The following RIMS2 variants were observed in gnomAD, a reference collection of about 807,000 sequenced individuals.
RIMS2 encodes regulating synaptic membrane exocytosis 2, also known as regulating synaptic membrane exocytosis protein 2.
In RIMS2, 59 loss-of-function variants were observed where a neutral mutation model predicts 174.4. The ratio of observed to expected loss-of-function variants is 0.34; its 90% CI spans 0.27 to 0.42. The LOEUF (loss-of-function observed/expected upper bound fraction) is 0.42. RIMS2 is among the 10% of genes least tolerant of loss of function. The pLI, the probability that RIMS2 is intolerant of heterozygous loss-of-function variation, is 1.00. For missense variants in RIMS2, 1,620 were observed against 1,666.3 expected (o/e 0.97, Z 0.48); for synonymous variants, 606 against 572.5 (o/e 1.06, Z -0.84).
At chr8:103,896,969 A>G (rs986508938) in intron 4 of RIMS2, among the ~76,000 whole-genome samples, 1 of 151,656 alleles carries the variant, frequency 6.6e-6, no homozygotes, top group Non-Finnish European at 1.5e-5. Flanking sequence ...AGAGGGGTCC[A>G]CAGAAGGGCA....
intron 1 of RIMS2, among the ~76,000 whole-genome samples, chr8:103,642,323 C>A (rs574563925): frequency 6.6e-6 from 1 of 152,162 alleles, no homozygotes; most frequent in Admixed American, 6.6e-5. Flanking sequence ...ATGATGTAAA[C>A]CTGGTAACAG....
At chr8:103,966,150 A>G (rs2091770396) in intron 15 of RIMS2, among the ~76,000 whole-genome samples, 2 of 152,152 alleles carry the variant, frequency 1.3e-5, no homozygotes, top group Admixed American at 1.3e-4. Flanking sequence ...TTATAAAATG[A>G]GTTAGAGAGT....
chr8:104,237,320 A>T (rs144124582), intron 19 of RIMS2, among the ~76,000 whole-genome samples: 1 of 152,198 alleles, frequency 6.6e-6, no homozygotes, highest in Admixed American at 6.5e-5. Context: ...ACAAACAACT[A>T]AAAATATTAA....
chr8:104,201,765 A>G (rs962661525), intron 19 of RIMS2, among the ~76,000 whole-genome samples: 24 of 152,182 alleles, frequency 1.6e-4, no homozygotes, highest in Admixed American at 1.5e-3. Context: ...TTATAATTCC[A>G]TTTTGTAGAG....
intron 17 of RIMS2, among the ~76,000 whole-genome samples, chr8:103,993,863 C>G (rs2094890066): frequency 6.6e-6 from 1 of 151,820 alleles, no homozygotes; most frequent in Non-Finnish European, 1.5e-5. Context: ...CCTATCTCCA[C>G]AAACACACAC....
chr8:103,551,303 G>C (rs1254270615), intron 1 of RIMS2, among the ~76,000 whole-genome samples: 8 of 152,024 alleles, frequency 5.3e-5, no homozygotes, highest in Non-Finnish European at 1.0e-4. Flanking sequence ...ACATACGAAT[G>C]TCAATAAACA....
chr8:103,778,871 T>C (rs1220749894), intron 3 of RIMS2, among the ~76,000 whole-genome samples: 1 of 152,154 alleles, frequency 6.6e-6, no homozygotes, highest in Non-Finnish European at 1.5e-5. Flanking sequence ...CCCCACCAAG[T>C]GTATGAGAGT....
intron 2 of RIMS2, among the ~76,000 whole-genome samples, chr8:103,709,501 C>A (rs758170125): frequency 1.3e-5 from 2 of 152,080 alleles, no homozygotes; most frequent in Non-Finnish European, 2.9e-5. Flanking sequence ...GATACTTTTA[C>A]ACATTCTTTG....
At chr8:103,994,587 A>G (rs1372555041) in intron 17 of RIMS2, among the ~76,000 whole-genome samples, 2 of 152,110 alleles carry the variant, frequency 1.3e-5, no homozygotes, top group Admixed American at 6.6e-5. Context: ...TTCAGTGGAG[A>G]AGTGTAATAT....
intron 1 of RIMS2, among the ~76,000 whole-genome samples, chr8:103,594,533 A>G (rs143624070): frequency 9.2e-5 from 14 of 151,810 alleles, no homozygotes; most frequent in African/African-American, 3.4e-4. Flanking sequence ...AGCTAACCCT[A>G]TATATTCCTC....
At chr8:103,784,928 A>G (rs1253134897) in intron 3 of RIMS2, among the ~76,000 whole-genome samples, 2 of 138,076 alleles carry the variant, frequency 1.4e-5, no homozygotes, top group African/African-American at 2.8e-5. Context: ...ATTTGTTTGT[A>G]TCCTCTTTTA....
At chr8:103,721,599 A>T (rs2097449475) in intron 2 of RIMS2, among the ~76,000 whole-genome samples, 1 of 152,202 alleles carries the variant, frequency 6.6e-6, no homozygotes. Context: ...ATTGCAGCAT[A>T]CCTAACTTCT....
At chr8:103,761,058 A>T (rs542063614) in intron 2 of RIMS2, among the ~76,000 whole-genome samples, 2 of 152,322 alleles carry the variant, frequency 1.3e-5, no homozygotes, top group East Asian at 3.9e-4. Context: ...TGGTGTGTTC[A>T]TACGTGCTAA....
intron 19 of RIMS2, among the ~76,000 whole-genome samples, chr8:104,057,457 T>C (rs1294416935): frequency 1.3e-5 from 2 of 152,148 alleles, no homozygotes; most frequent in African/African-American, 4.8e-5. Context: ...TTCACTGAAT[T>C]TAGAGATCAA....
chr8:103,573,599 G>C (rs117020834), intron 1 of RIMS2, among the ~76,000 whole-genome samples: 2 of 151,966 alleles, frequency 1.3e-5, no homozygotes, highest in East Asian at 1.9e-4. Flanking sequence ...GTACCATATC[G>C]TTTTGGTTAT....
At chr8:103,991,836 C>T (rs1201533298) in intron 17 of RIMS2, among the ~76,000 whole-genome samples, 1 of 152,120 alleles carries the variant, frequency 6.6e-6, no homozygotes, top group African/African-American at 2.4e-5. Context: ...AAATTAACCT[C>T]TTTGACACTT....
Position 103,975,211 on chromosome 8 carries a change from G to T in RIMS2, c.2771-139G>T. Reference sequence around the variant, plus strand: ...ATAAAATATTTTGTCTTAATATCATGGTTTATTCACTATACTTTATATTTA... The same window carrying T: ...ATAAAATATTTTGTCTTAATATCATTGTTTATTCACTATACTTTATATTTA... On this transcript the variant is annotated intron_variant, in intron 15 of 23. Transcript: ENST00000504942. 6.1e-6 allele frequency: 3 copies of T among 495,012 alleles called. No homozygotes were observed. The East Asian group carries it at 9.6e-5, about 16-fold the overall frequency. The allele number at this position is 495,012 out of a possible 1,614,324, so 30.7% of individuals were successfully genotyped here.
At chr8:103,544,755 A>G (rs1844191804) in intron 1 of RIMS2, among the ~76,000 whole-genome samples, 1 of 152,354 alleles carries the variant, frequency 6.6e-6, no homozygotes, top group African/African-American at 2.4e-5. Flanking sequence ...AAAGAAATAC[A>G]GGCATGGAGA....
At position 103,769,416 on chromosome 8, in the gene RIMS2, C is replaced by T. The variant is rs138572287; in HGVS notation, c.698+2879C>T. Among the ~76,000 whole-genome samples the T allele has an allele frequency of 1.5e-3, 228 of 152,214 alleles. 7 individuals are homozygous for T. In the East Asian group the frequency reaches 0.042, roughly 28 times the overall value. ...TCAGCTCACTGCAACCTCCGCCTCC[C>T]GAGTTCAAGCGATTCTCCTGCCTCA... On this transcript the variant is annotated intron_variant, in intron 3 of 23. Transcript: ENST00000504942.
Sources: allele counts gnomAD v4.1 joint callset (sites outside exome capture counted in the v4.1 genomes callset), GRCh38; gene constraint gnomAD v4.1.1; transcripts MANE v1.5; gene names NCBI Gene and HGNC (gene_info 2026-07-23, HGNC 2026-07-21).